ASIC2: variants seen among roughly 807,000 people sequenced by gnomAD.
The protein encoded by ASIC2 is acid-sensing ion channel 2.
In ASIC2, 25 loss-of-function variants were observed where a neutral mutation model predicts 57.3. The ratio of observed to expected loss-of-function variants is 0.44; its 90% CI spans 0.32 to 0.61. ASIC2 has a LOEUF of 0.61. ASIC2 is among the 20% of genes least tolerant of loss of function. The pLI, the probability that ASIC2 is intolerant of heterozygous loss-of-function variation, is 0.06. For missense variants in ASIC2, 641 were observed against 738.1 expected, an observed-to-expected ratio of 0.87 and a Z score of 1.52; for synonymous variants, 319 against 307.5, an observed-to-expected ratio of 1.04 and a Z score of -0.39.
intron 1 of ASIC2, among the ~76,000 whole-genome samples, chr17:33,194,040 C>T (rs568704845): frequency 2.0e-5 from 3 of 152,182 alleles, no homozygotes; most frequent in East Asian, 1.9e-4. Context: ...GGGGGAGGGC[C>T]GTATTCAAGA....
At chr17:33,259,548 G>A (rs1231081256) in intron 1 of ASIC2, among the ~76,000 whole-genome samples, 1 of 151,980 alleles carries the variant, frequency 6.6e-6, no homozygotes, top group Non-Finnish European at 1.5e-5. Context: ...TTACTGAGCA[G>A]TAAATTAAGC....
intron 1 of ASIC2, among the ~76,000 whole-genome samples, chr17:33,489,459 G>A (rs778151256): frequency 7.9e-5 from 12 of 152,096 alleles, no homozygotes; most frequent in East Asian, 3.9e-4. Flanking sequence ...GCTCTGCTTC[G>A]CTCTCTTCAG....
chr17:33,336,918 A>G (rs1907536473), intron 1 of ASIC2, among the ~76,000 whole-genome samples: 1 of 152,170 alleles, frequency 6.6e-6, no homozygotes, highest in Middle Eastern at 3.2e-3. Context: ...GAATCTACAC[A>G]AATGGCCTTG....
chr17:33,367,926 G>A (rs1567837806), intron 1 of ASIC2, among the ~76,000 whole-genome samples: 1 of 152,066 alleles, frequency 6.6e-6, no homozygotes, highest in African/African-American at 2.4e-5. Context: ...TCAAGAAGAG[G>A]CCCAGTATTT....
chr17:33,587,840 G>A (rs1904689645), intron 1 of ASIC2, among the ~76,000 whole-genome samples: 1 of 152,112 alleles, frequency 6.6e-6, no homozygotes, highest in African/African-American at 2.4e-5. Flanking sequence ...TAGCTTTCAG[G>A]GGGATCTTCT....
At chr17:33,038,876 A>T (rs57796901) in intron 3 of ASIC2, among the ~76,000 whole-genome samples, 4,658 of 124,288 alleles carry the variant, frequency 0.037, 192 homozygotes, top group African/African-American at 0.14. Context: ...CAGCAAGCAC[A>T]GCTGCCCAAG....
At chr17:33,577,945 C>T (rs1916689148) in intron 1 of ASIC2, among the ~76,000 whole-genome samples, 1 of 152,096 alleles carries the variant, frequency 6.6e-6, no homozygotes, top group East Asian at 1.9e-4. Flanking sequence ...CATTTTTCAT[C>T]CAGCTGCATC....
At chr17:33,184,729 C>G (rs1478464149) in intron 1 of ASIC2, among the ~76,000 whole-genome samples, 2 of 152,160 alleles carry the variant, frequency 1.3e-5, no homozygotes, top group Non-Finnish European at 2.9e-5. Flanking sequence ...GGGGTAAGCA[C>G]CTACCAATCC....
chr17:33,397,270 G>A (rs2141956278), intron 1 of ASIC2, among the ~76,000 whole-genome samples: 1 of 152,288 alleles, frequency 6.6e-6, no homozygotes, highest in Non-Finnish European at 1.5e-5. Flanking sequence ...AATTCCCCTG[G>A]AATACAGTTT....
At chr17:33,259,877 A>G (rs541895851) in intron 1 of ASIC2, among the ~76,000 whole-genome samples, 1 of 152,200 alleles carries the variant, frequency 6.6e-6, no homozygotes, top group East Asian at 1.9e-4. Context: ...GAGACTTTGC[A>G]TGTCTAATGA....
upstream of ASIC2, among the ~76,000 whole-genome samples, chr17:33,297,867 TAATAA>T: frequency 7.2e-6 from 1 of 138,062 alleles, no homozygotes; most frequent in South Asian, 2.2e-4. Flanking sequence ...AATAAATAAA[TAATAA>T]AGTTTATTGA....
intron 1 of ASIC2, among the ~76,000 whole-genome samples, chr17:33,337,398 T>A (rs780181164): frequency 6.7e-6 from 1 of 149,808 alleles, no homozygotes; most frequent in Non-Finnish European, 1.5e-5. Context: ...CCCAAAGGCA[T>A]GTAATAGTGA....
chr17:33,067,024 G>T lies in ASIC2; in HGVS notation c.987+21839C>A, dbSNP rs573171534. Among the ~76,000 whole-genome samples the T allele has an allele frequency of 7.2e-5, 11 of 152,324 alleles. No individual in the cohort carries two copies. In the South Asian group the frequency reaches 1.0e-3, roughly 14 times the overall value. On this transcript the variant is annotated intron_variant, in intron 3 of 9. Transcript: ENST00000225823. ...GATGGATGAGTTAGTTACCAAGCAGGCCTGAAGGAAGGGCATCACTGGCAG... is the reference window on the plus strand; with the variant it reads ...GATGGATGAGTTAGTTACCAAGCAGTCCTGAAGGAAGGGCATCACTGGCAG...
intron 1 of ASIC2, among the ~76,000 whole-genome samples, chr17:34,152,079 G>C (rs1904549947): frequency 6.6e-6 from 1 of 152,004 alleles, no homozygotes; most frequent in African/African-American, 2.4e-5. Flanking sequence ...CCTTGTGCAA[G>C]AATTCCAAAG....
chr17:33,681,071 G>T (rs770946421), intron 1 of ASIC2, among the ~76,000 whole-genome samples: 4 of 152,142 alleles, frequency 2.6e-5, no homozygotes, highest in Non-Finnish European at 5.9e-5. Flanking sequence ...CTCTGGTCCC[G>T]ATCCACAATG....
At chr17:33,908,901 T>C (rs1897122409) in intron 1 of ASIC2, among the ~76,000 whole-genome samples, 1 of 152,200 alleles carries the variant, frequency 6.6e-6, no homozygotes, top group Non-Finnish European at 1.5e-5. Flanking sequence ...TCCAGGTCAT[T>C]CTAGCCTTAA....
chr17:33,127,238 C>T (rs927787447), intron 1 of ASIC2, among the ~76,000 whole-genome samples: 1 of 152,182 alleles, frequency 6.6e-6, no homozygotes, highest in Admixed American at 6.5e-5. Context: ...ACAACTCTCT[C>T]AACGTCATGC....
chr17:33,404,705 G>T (rs1214753568), intron 1 of ASIC2, among the ~76,000 whole-genome samples: 1 of 152,188 alleles, frequency 6.6e-6, no homozygotes. Flanking sequence ...AAATCCCAGA[G>T]AGCAGAATGT....
intron 1 of ASIC2, among the ~76,000 whole-genome samples, chr17:33,644,269 G>A (rs1198297023): frequency 1.3e-5 from 2 of 152,128 alleles, no homozygotes; most frequent in Non-Finnish European, 2.9e-5. Context: ...CGTTTTTCCT[G>A]CTTTGTGTCC....
Sources: gnomAD v4.1 joint callset for allele counts (sites outside exome capture counted in the v4.1 genomes callset) on GRCh38, gnomAD v4.1.1 for gene constraint, MANE v1.5 for transcripts, NCBI Gene and HGNC (gene_info 2026-07-23, HGNC 2026-07-21) for gene names.